EML1: variants seen among roughly 807,000 people sequenced by gnomAD.
The protein encoded by EML1 is EMAP like 1.
A neutral mutation model predicts 110.4 loss-of-function variants in EML1; 27 were observed. The ratio of observed to expected loss-of-function variants is 0.24; its 90% CI spans 0.18 to 0.34. The LOEUF is 0.34. Ranked by LOEUF, EML1 falls within the 10% of genes least tolerant of loss-of-function variation. EML1 has a pLI of 1.00. For synonymous variants in EML1, 344 were observed against 385.8 expected (o/e 0.89, Z 1.27); for missense variants, 741 against 1,030.9 (o/e 0.72, Z 3.85).
chr14:99,843,121 G>A (rs2058657526), intron 1 of EML1, among the ~76,000 whole-genome samples: 1 of 152,132 alleles, frequency 6.6e-6, no homozygotes, highest in South Asian at 2.1e-4. Context: ...AGATGTGGTG[G>A]TGTGCATCTG....
At chr14:99,890,694 C>G (rs2059571680) in intron 4 of EML1, among the ~76,000 whole-genome samples, 1 of 152,146 alleles carries the variant, frequency 6.6e-6, no homozygotes, top group South Asian at 2.1e-4. Context: ...TGGAGGGTAC[C>G]ACACCCTGGT....
intron 3 of EML1, among the ~76,000 whole-genome samples, chr14:99,877,883 C>T (rs1478167197): frequency 1.3e-5 from 2 of 152,084 alleles, no homozygotes; most frequent in South Asian, 2.1e-4. Flanking sequence ...AGAAGGATGT[C>T]GCCAGACATT....
Position 99,940,043 on chromosome 14 carries a change from C to T in EML1, c.2379C>T (p.Leu793=), listed in dbSNP as rs763807374. The change falls in exon 22 of 22, where the codon CTC becomes CTT. Residue 793 remains leucine (L), a synonymous_variant. Coordinates refer to ENST00000262233, the MANE Select transcript of EML1 (RefSeq NM_004434.3). ...HSSHVTNVDF[L]CEDSHLISTG... is the part of the protein sequence containing the mutation. Reference sequence around the variant, plus strand: ...GCCATGTCACCAATGTCGATTTCCTCTGTGAAGACAGCCACCTCATCTCCA... The same window carrying T: ...GCCATGTCACCAATGTCGATTTCCTTTGTGAAGACAGCCACCTCATCTCCA... 3.7e-6 allele frequency: 6 copies of T among 1,603,462 alleles called. No individual in the cohort carries two copies. Among genetic ancestry groups the T allele is most frequent in the Non-Finnish European group, 5.1e-6 (6 of 1,175,098 alleles).
chr14:99,920,278 G>A (rs60418665), intron 16 of EML1, among the ~76,000 whole-genome samples: 3,202 of 152,122 alleles, frequency 0.021, 104 homozygotes, highest in African/African-American at 0.071. Context: ...GCTTTCCCTC[G>A]CCCTGTTGGT....
intron 1 of EML1, among the ~76,000 whole-genome samples, chr14:99,777,987 G>T (rs73352588): frequency 0.13 from 19,553 of 151,994 alleles, 1,493 homozygotes; most frequent in East Asian, 0.37. Context: ...AGAGACAGGG[G>T]CTCACTATGT....
chr14:99,889,013 G>T (rs750058190), intron 4 of EML1, among the ~76,000 whole-genome samples: 6 of 152,198 alleles, frequency 3.9e-5, no homozygotes, highest in African/African-American at 1.4e-4. Context: ...CGGACAGGCG[G>T]CTGAGAGAGA....
intron 1 of EML1, among the ~76,000 whole-genome samples, chr14:99,825,017 T>C (rs532313143): frequency 6.6e-6 from 1 of 150,842 alleles, no homozygotes; most frequent in Admixed American, 6.5e-5. Context: ...AGGATCTTGT[T>C]CTGTCTCCCA....
intron 1 of EML1, among the ~76,000 whole-genome samples, chr14:99,832,956 T>C (rs1440170541): frequency 1.3e-5 from 2 of 152,206 alleles, no homozygotes; most frequent in Non-Finnish European, 2.9e-5. Context: ...ATGGGTGTAT[T>C]TCATGATGCT....
chr14:99,914,816 C>T, intron 15 of EML1, 119 bp downstream of exon 15: 1 of 1,352,214 alleles, frequency 7.4e-7, no homozygotes, highest in Non-Finnish European at 9.9e-7. Flanking sequence ...TGTTATTTAT[C>T]TATTTAGAGT....
In EML1 at chr14:99,824,438, T is replaced by A. The variant is rs192902751; in HGVS notation, c.68-26415T>A. Among the ~76,000 whole-genome samples, 135 of 152,138 alleles carry A rather than the reference T, an allele frequency of 8.9e-4. 2 individuals carry two copies. The highest frequency in any genetic ancestry group is 5.9e-4 in the Non-Finnish European group (40 of 68,028). ...CATACACATACTATGTACACACATA[T>A]GTATGTCAGTAATTGGCCTCGGAAA... On this transcript the variant is annotated intron_variant, in intron 1 of 21. Coordinates refer to ENST00000262233, the MANE Select transcript of EML1 (RefSeq NM_004434.3).
At chr14:99,915,915 C>G (rs2060026732) in intron 15 of EML1, among the ~76,000 whole-genome samples, 1 of 152,188 alleles carries the variant, frequency 6.6e-6, no homozygotes, top group African/African-American at 2.4e-5. Flanking sequence ...GCTCCCTTCC[C>G]TTCATTTTCA....
At chr14:99,901,751 G>T (rs530116335) in intron 9 of EML1, among the ~76,000 whole-genome samples, 21 of 152,226 alleles carry the variant, frequency 1.4e-4, no homozygotes, top group Middle Eastern at 3.4e-3. Context: ...GGATTTAGCC[G>T]GCTTCTTTAC....
At chr14:99,848,014 CAT>C (rs2058733051) in intron 1 of EML1, among the ~76,000 whole-genome samples, 1 of 152,024 alleles carries the variant, frequency 6.6e-6, no homozygotes, top group Admixed American at 6.6e-5. Context: ...TTTAATGTAA[CAT>C]GTAATAGAAT....
intron 1 of EML1, among the ~76,000 whole-genome samples, chr14:99,786,706 G>A (rs1239657930): frequency 6.6e-6 from 1 of 152,240 alleles, no homozygotes; most frequent in Non-Finnish European, 1.5e-5. Flanking sequence ...GCAGGGGTGT[G>A]TTGAATGCCA....
intron 1 of EML1, among the ~76,000 whole-genome samples, chr14:99,825,620 T>A (rs1240761401): frequency 6.6e-6 from 1 of 152,200 alleles, no homozygotes; most frequent in Non-Finnish European, 1.5e-5. Context: ...TTTATGTTTC[T>A]GTGTTTTTCC....
intron 1 of EML1, among the ~76,000 whole-genome samples, chr14:99,748,095 G>A (rs191594908): frequency 1.3e-5 from 2 of 152,272 alleles, no homozygotes; most frequent in Non-Finnish European, 2.9e-5. Context: ...CGGGATGCCC[G>A]GGCAGGAGGT....
At chr14:99,763,107 T>A (rs150645395) in intron 1 of EML1, among the ~76,000 whole-genome samples, 1 of 152,166 alleles carries the variant, frequency 6.6e-6, no homozygotes, top group African/African-American at 2.4e-5. Flanking sequence ...AGAGTTTCCC[T>A]GCACAAACTC....
At chr14:99,848,441 G>GTA (rs954972994) in intron 1 of EML1, among the ~76,000 whole-genome samples, 10 of 151,398 alleles carry the variant, frequency 6.6e-5, no homozygotes, top group South Asian at 4.2e-4. Context: ...ATTCCACAAT[G>GTA]TATATATATA....
intron 17 of EML1, among the ~76,000 whole-genome samples, chr14:99,931,199 C>CAT (rs1395801424): frequency 6.6e-6 from 1 of 152,206 alleles, no homozygotes; most frequent in African/African-American, 2.4e-5. Context: ...GAGGCTACAC[C>CAT]ATAGCTGCAC....
Sources: gnomAD v4.1 joint callset for allele counts (sites outside exome capture counted in the v4.1 genomes callset) on GRCh38, gnomAD v4.1.1 for gene constraint, MANE v1.5 for transcripts, NCBI Gene and HGNC (gene_info 2026-07-23, HGNC 2026-07-21) for gene names.